The following KIF26B variants were observed in gnomAD, a reference collection of about 807,000 sequenced individuals.
KIF26B encodes kinesin family member 26B, also known as kinesin-like protein KIF26B.
A neutral mutation model predicts 151.2 loss-of-function variants in KIF26B; 63 were observed. The observed-to-expected ratio is 0.42, with a 90% CI of 0.34 to 0.51. The LOEUF is 0.51. KIF26B is among the 20% of genes least tolerant of loss of function. The pLI is 0.07. For missense variants in KIF26B, 2,813 were observed against 2,913.6 expected (o/e 0.97, Z 0.79); for synonymous variants, 1,357 against 1,262.1 (o/e 1.08, Z -1.59).
chr1:245,653,832 GGAGGAT>G (rs2044045710), intron 10 of KIF26B, among the ~76,000 whole-genome samples: 1 of 152,188 alleles, frequency 6.6e-6, no homozygotes, highest in South Asian at 2.1e-4. Context: ...GGCCTAGGCA[GGAGGAT>G]CACTTGAGCC....
chr1:245,156,446 G>C lies in KIF26B; in HGVS notation c.228G>C (p.Ser76=). The C allele has an allele frequency of 6.6e-7, 1 of 1,526,030 alleles. No individual in the cohort carries two copies. The highest frequency in any genetic ancestry group is 2.1e-4 in the Middle Eastern group (1 of 4,696). 94.5% of individuals were successfully genotyped at this position (1,526,030 alleles called of 1,614,324 possible). Residue 76 remains serine (S), a synonymous_variant, in exon 2 of 15, where the codon TCG becomes TCC. Coordinates refer to ENST00000407071, the MANE Select transcript of KIF26B (RefSeq NM_018012.4). ...SGTPSPGSGT[S]SPSSFTGSPG... ...CCCCGTCTCCCGGCTCGGGCACCTC[G>C]TCCCCGAGCTCGTTCACCGGCTCCC...
At chr1:245,253,697 A>T (rs1210238184) in intron 2 of KIF26B, among the ~76,000 whole-genome samples, 1 of 151,700 alleles carries the variant, frequency 6.6e-6, no homozygotes, top group African/African-American at 2.4e-5. Flanking sequence ...TTAATTTTTT[A>T]AAATGGTTAT....
intron 2 of KIF26B, among the ~76,000 whole-genome samples, chr1:245,205,729 T>A (rs1158513984): frequency 9.8e-6 from 1 of 101,866 alleles, no homozygotes; most frequent in Non-Finnish European, 2.1e-5. Context: ...TTTTTTTTTT[T>A]AGACATAGGG....
Position 245,570,972 on chromosome 1 carries a change from A to G in KIF26B, c.1350+30022A>G, listed in dbSNP as rs76734933. Among the ~76,000 whole-genome samples, 703 of 152,370 alleles carry G rather than the reference A, an allele frequency of 4.6e-3. 10 individuals carry two copies. Among genetic ancestry groups the G allele is most frequent in the South Asian group, 0.024 (118 of 4,832 alleles). ...CAAATCTAACATGTTAAAATCTAACATAATGAGTGAAAATATATCAGCGAG... is the reference window on the plus strand; with the variant it reads ...CAAATCTAACATGTTAAAATCTAACGTAATGAGTGAAAATATATCAGCGAG... On this transcript the variant is annotated intron_variant, in intron 5 of 14. Transcript: ENST00000407071.
At chr1:245,155,511 G>A in intron 1 of KIF26B, 24 bp downstream of exon 1, 1 of 1,593,414 alleles carries the variant, frequency 6.3e-7, no homozygotes, top group African/African-American at 1.3e-5. Context: ...GTACGACGCG[G>A]AGACGCGTTA....
intron 9 of KIF26B, among the ~76,000 whole-genome samples, chr1:245,636,917 T>C (rs2043840542): frequency 6.6e-6 from 1 of 151,884 alleles, no homozygotes; most frequent in Admixed American, 6.6e-5. Flanking sequence ...AATTTACCCA[T>C]TGATGGACAC....
chr1:245,559,262 C>T (rs770823177), intron 5 of KIF26B, among the ~76,000 whole-genome samples: 1 of 152,106 alleles, frequency 6.6e-6, no homozygotes, highest in East Asian at 1.9e-4. Flanking sequence ...CACTTGAGCC[C>T]GGGAAGTCTA....
chr1:245,657,457 G>A (rs2044087585), intron 10 of KIF26B, among the ~76,000 whole-genome samples: 1 of 152,098 alleles, frequency 6.6e-6, no homozygotes, highest in South Asian at 2.1e-4. Flanking sequence ...CGGGATTTTT[G>A]TTTTCTTTAC....
At chr1:245,689,554 G>A (rs542570168) in intron 12 of KIF26B, among the ~76,000 whole-genome samples, 36 of 152,284 alleles carry the variant, frequency 2.4e-4, no homozygotes, top group Non-Finnish European at 4.0e-4. Flanking sequence ...GAAAGTCTTT[G>A]CCATTTCTTT....
intron 4 of KIF26B, among the ~76,000 whole-genome samples, chr1:245,425,116 A>G (rs1374146350): frequency 1.1e-4 from 16 of 151,378 alleles, no homozygotes; most frequent in Admixed American, 9.9e-4. Context: ...ATGGTGAAGT[A>G]GGGTATCATT....
chr1:245,192,203 G>A (rs1669121529), intron 2 of KIF26B, among the ~76,000 whole-genome samples: 1 of 152,176 alleles, frequency 6.6e-6, no homozygotes, highest in African/African-American at 2.4e-5. Context: ...CAAATGCTGT[G>A]TGGTCTCTTA....
chr1:245,328,518 C>T (rs915041413), intron 2 of KIF26B, among the ~76,000 whole-genome samples: 1 of 152,188 alleles, frequency 6.6e-6, no homozygotes, highest in Non-Finnish European at 1.5e-5. Context: ...TTGCTGTAAG[C>T]ATTGCCTGCC....
chr1:245,599,639 G>A (rs1010396820), intron 5 of KIF26B, among the ~76,000 whole-genome samples: 36 of 152,320 alleles, frequency 2.4e-4, no homozygotes, highest in African/African-American at 6.5e-4. Flanking sequence ...TCTGCCTGGC[G>A]TTGCATCATC....
At chr1:245,614,620 C>T (rs1332512491) in intron 9 of KIF26B, among the ~76,000 whole-genome samples, 1 of 152,240 alleles carries the variant, frequency 6.6e-6, no homozygotes, top group East Asian at 1.9e-4. Flanking sequence ...CCTCCAGTGG[C>T]TGCTGTGAAG....
At chr1:245,654,073 A>C (rs1416959031) in intron 10 of KIF26B, among the ~76,000 whole-genome samples, 1 of 152,174 alleles carries the variant, frequency 6.6e-6, no homozygotes, top group Non-Finnish European at 1.5e-5. Flanking sequence ...TAAGTGAGTG[A>C]ATGAATGAAG....
chr1:245,179,635 C>CA (rs71740446), intron 2 of KIF26B, among the ~76,000 whole-genome samples: 24,167 of 151,954 alleles, frequency 0.16, 2,691 homozygotes, highest in East Asian at 0.32. Flanking sequence ...AAAAACAAAA[C>CA]AAAAACAAAG....
At chr1:245,393,639 G>A (rs776124756) in intron 3 of KIF26B, among the ~76,000 whole-genome samples, 5 of 152,158 alleles carry the variant, frequency 3.3e-5, no homozygotes, top group Non-Finnish European at 5.9e-5. Context: ...ATTTTCTTCC[G>A]TTTCTTTAGG....
Position 245,251,743 on chromosome 1 carries a change from C to T in KIF26B, c.465+95060C>T, listed in dbSNP as rs10924137. Among the ~76,000 whole-genome samples the T allele has an allele frequency of 9.8e-3, 1,489 of 152,238 alleles. 19 individuals carry two copies. Among genetic ancestry groups the T allele is most frequent in the East Asian group, 0.076 (392 of 5,180 alleles). On this transcript the variant is annotated intron_variant, in intron 2 of 14. Coordinates refer to ENST00000407071, the MANE Select transcript of KIF26B (RefSeq NM_018012.4). The stretch of plus-strand genomic sequence containing the variant: ...TACCAAGTTCTCCTGTTTGTGTTAT[C>T]TATCTCTGAACTAAATTCCACACCA...
At chr1:245,588,310 T>C (rs554619894) in intron 5 of KIF26B, among the ~76,000 whole-genome samples, 1 of 152,314 alleles carries the variant, frequency 6.6e-6, no homozygotes, top group South Asian at 2.1e-4. Flanking sequence ...CTAATGATCC[T>C]CCGTATTAGA....
Sources: allele counts gnomAD v4.1 joint callset (sites outside exome capture counted in the v4.1 genomes callset), GRCh38; gene constraint gnomAD v4.1.1; transcripts MANE v1.5; gene names NCBI Gene and HGNC (gene_info 2026-07-23, HGNC 2026-07-21).